Variants in MCHR2 observed in about 807,000 individuals in gnomAD.
MCHR2 encodes melanin concentrating hormone receptor 2.
MCHR2 carries 15 observed loss-of-function variants against 24.8 expected under a neutral mutation model. The ratio of observed to expected loss-of-function variants is 0.60; its 90% confidence interval spans 0.40 to 0.93. The LOEUF (loss-of-function observed/expected upper bound fraction) is 0.93, where lower values mean the gene tolerates loss of function less well. MCHR2 is among the 40% of genes least tolerant of loss of function. The pLI, the probability that MCHR2 is intolerant of heterozygous loss-of-function variation, is 0.00. For missense variants in MCHR2, 386 were observed against 408.7 expected, an observed-to-expected ratio of 0.94 and a Z score of 0.48; for synonymous variants, 151 against 147.6, an observed-to-expected ratio of 1.02 and a Z score of -0.17.
rs151224118 is a variant in MCHR2 at position 99,979,014 on chromosome 6, C to T, written c.-28+14922G>A. Among the ~76,000 whole-genome samples, 666 of 152,094 alleles carry T rather than the reference C, an allele frequency of 4.4e-3. 6 individuals are homozygous for T. Among genetic ancestry groups the T allele is most frequent in the African/African-American group, 0.015 (607 of 41,474 alleles). On this transcript the variant is annotated intron_variant, in intron 1 of 5. Coordinates refer to ENST00000281806, the MANE Select transcript of MCHR2 (RefSeq NM_001040179.2). Reference sequence around the variant, plus strand: ...GTGCAGGTTGCGTACTGCTCAAAGGCGCCACATCCAAGTGGTAGGAGGTGG... The same window carrying T: ...GTGCAGGTTGCGTACTGCTCAAAGGTGCCACATCCAAGTGGTAGGAGGTGG...
chr6:99,987,049 T>G (rs1256195198), intron 1 of MCHR2, among the ~76,000 whole-genome samples: 1 of 152,074 alleles, frequency 6.6e-6, no homozygotes, highest in Non-Finnish European at 1.5e-5. Context: ...TACATTTTAA[T>G]GTTCTTATAC....
At chr6:99,970,578 T>G (rs1409540277) in intron 1 of MCHR2, among the ~76,000 whole-genome samples, 1 of 152,216 alleles carries the variant, frequency 6.6e-6, no homozygotes, top group African/African-American at 2.4e-5. Flanking sequence ...AGATCCCATT[T>G]GTCAATTTTG....
chr6:99,968,807 A>T (rs1013718491), intron 1 of MCHR2, among the ~76,000 whole-genome samples: 2 of 152,154 alleles, frequency 1.3e-5, no homozygotes, highest in African/African-American at 4.8e-5. Context: ...ACAAAATCAA[A>T]CTAGAAATCA....
Position 99,993,990 on chromosome 6 carries a change from G to A in MCHR2, c.-82C>T, listed in dbSNP as rs1210646266. ...GACAGCCCGGGCGCCCTTCCTCTCT[G>A]CGGGACTGCAGGTCTATCCGCTAAG... On this transcript the variant is annotated 5_prime_UTR_variant, in exon 1 of 6. Transcript: ENST00000281806. 1 of 152,194 alleles carries A rather than the reference G, an allele frequency of 6.6e-6. No homozygotes were observed. Among genetic ancestry groups the A allele is most frequent in the Non-Finnish European group, 1.5e-5 (1 of 68,092 alleles). The allele number at this position is 152,194 out of a possible 1,614,324, so 9.4% of individuals were successfully genotyped here.
chr6:99,943,082 G>A lies in MCHR2; in HGVS notation c.454C>T (p.Arg152Trp), dbSNP rs267600747. 4.8e-5 allele frequency: 78 copies of A among 1,612,996 alleles called. No individual in the cohort carries two copies. Among genetic ancestry groups the A allele is most frequent in the Admixed American group, 1.5e-4 (9 of 59,892 alleles). Residue 152 changes from arginine to tryptophan, a missense_variant, in exon 4 of 6, where the codon CGG (arginine) becomes TGG (tryptophan). Transcript: ENST00000281806. Reference protein sequence around the residue: ...TRWRTRYKTIRINLGLWAASF... With the variant: ...TRWRTRYKTIWINLGLWAASF... Reference sequence around the variant, plus strand: ...GCTGCCCAAAGGCCCAAATTGATCCGGATGGTCTTGTACCTTGTTCTCCAA... The same window carrying A: ...GCTGCCCAAAGGCCCAAATTGATCCAGATGGTCTTGTACCTTGTTCTCCAA...
At chr6:99,984,227 TTTTG>T (rs1775726447) in intron 1 of MCHR2, among the ~76,000 whole-genome samples, 1 of 126,266 alleles carries the variant, frequency 7.9e-6, no homozygotes, top group Non-Finnish European at 1.6e-5. Context: ...CACTGTATCT[TTTTG>T]TTTTTTATTT....
At chr6:99,981,440 G>A (rs981698448) in intron 1 of MCHR2, among the ~76,000 whole-genome samples, 2 of 112,112 alleles carry the variant, frequency 1.8e-5, no homozygotes, top group Non-Finnish European at 3.9e-5. Context: ...GAGTCTGGCC[G>A]CTGGGAAAAT....
intron 5 of MCHR2, among the ~76,000 whole-genome samples, chr6:99,924,594 T>C (rs1774310135): frequency 6.6e-6 from 1 of 152,088 alleles, no homozygotes; most frequent in African/African-American, 2.4e-5. Flanking sequence ...GGTTTTGGTA[T>C]GTTGTGTTTC....
At chr6:99,969,709 C>T (rs1436339218) in intron 1 of MCHR2, among the ~76,000 whole-genome samples, 1 of 104,748 alleles carries the variant, frequency 9.5e-6, no homozygotes, top group Non-Finnish European at 1.8e-5. Flanking sequence ...CTATCCCTCC[C>T]CCCTCCCCCC....
intron 5 of MCHR2, among the ~76,000 whole-genome samples, chr6:99,925,086 T>A (rs1294135245): frequency 6.6e-6 from 1 of 152,150 alleles, no homozygotes; most frequent in Non-Finnish European, 1.5e-5. Context: ...TACTCCAGTG[T>A]TGGGTGAATA....
intron 1 of MCHR2, among the ~76,000 whole-genome samples, chr6:99,962,160 C>T (rs1185920391): frequency 6.6e-6 from 1 of 152,122 alleles, no homozygotes; most frequent in Non-Finnish European, 1.5e-5. Context: ...GTTACTTGAA[C>T]ACAAGCACTG....
At chr6:99,958,814 G>C (rs1775121206) in intron 1 of MCHR2, among the ~76,000 whole-genome samples, 1 of 152,188 alleles carries the variant, frequency 6.6e-6, no homozygotes, top group Non-Finnish European at 1.5e-5. Context: ...CTTCTCCCTG[G>C]GGAGAGAGAG....
intron 5 of MCHR2, 86 bp downstream of exon 5, chr6:99,934,312 A>G: frequency 7.6e-7 from 1 of 1,324,338 alleles, no homozygotes; most frequent in Non-Finnish European, 9.9e-7. Context: ...GGTATGTTTC[A>G]AGTCACTGTT....
chr6:99,967,849 C>T (rs1336048347), intron 1 of MCHR2, among the ~76,000 whole-genome samples: 2 of 152,116 alleles, frequency 1.3e-5, no homozygotes, highest in East Asian at 1.9e-4. Flanking sequence ...TTCTATTCAA[C>T]CTCTATTTGT....
chr6:99,973,119 G>T (rs558616089), intron 1 of MCHR2, among the ~76,000 whole-genome samples: 1 of 151,736 alleles, frequency 6.6e-6, no homozygotes, highest in Non-Finnish European at 1.5e-5. Context: ...GGGTATCCTT[G>T]TTGACTTTCT....
intron 1 of MCHR2, among the ~76,000 whole-genome samples, chr6:99,972,452 T>A (rs1444340450): frequency 6.6e-6 from 1 of 152,182 alleles, no homozygotes; most frequent in Non-Finnish European, 1.5e-5. Flanking sequence ...TCTTCTCTCT[T>A]TTCTTCTTTA....
At position 99,936,544 on chromosome 6, in the gene MCHR2, C is replaced by G. The variant is rs556137369; in HGVS notation, c.588-2027G>C. ...ATCGGGCACTCTATTCTGTTCCATTCGTCAATGTGTCTTTTTATGCCAGTA... is the reference window on the plus strand; with the variant it reads ...ATCGGGCACTCTATTCTGTTCCATTGGTCAATGTGTCTTTTTATGCCAGTA... On this transcript the variant is annotated intron_variant, in intron 4 of 5. Coordinates refer to ENST00000281806, the MANE Select transcript of MCHR2 (RefSeq NM_001040179.2). 1.8e-3 allele frequency among the ~76,000 whole-genome samples: 272 copies of G among 151,904 alleles called. 4 individuals carry two copies. Among genetic ancestry groups the G allele is most frequent in the Non-Finnish European group, 2.9e-3 (198 of 67,800 alleles).
At chr6:99,978,561 G>A (rs2114583014) in intron 1 of MCHR2, among the ~76,000 whole-genome samples, 1 of 151,452 alleles carries the variant, frequency 6.6e-6, no homozygotes, top group South Asian at 2.1e-4. Context: ...TGGGACTACA[G>A]GTGCCCACCA....
chr6:99,984,024 C>T (rs1289612774), intron 1 of MCHR2, among the ~76,000 whole-genome samples: 1 of 152,022 alleles, frequency 6.6e-6, no homozygotes, highest in Non-Finnish European at 1.5e-5. Flanking sequence ...TTTGGGATGT[C>T]TTTGCTAGTT....
Sources: gnomAD v4.1 joint callset for allele counts (sites outside exome capture counted in the v4.1 genomes callset) on GRCh38, gnomAD v4.1.1 for gene constraint, MANE v1.5 for transcripts, NCBI Gene and HGNC (gene_info 2026-07-23, HGNC 2026-07-21) for gene names.